STMP1: variants seen among roughly 807,000 people sequenced by gnomAD.
STMP1 encodes the protein mitolamban.
In STMP1, 7 loss-of-function variants were observed where a neutral mutation model predicts 7.0. The observed-to-expected ratio is 1.01, with a 90% confidence interval of 0.57 to 1.89. STMP1 has a LOEUF of 1.89. STMP1 is among the 40% of genes most tolerant of loss of function. The pLI is 0.00. For synonymous variants in STMP1, 19 were observed against 18.4 expected, an observed-to-expected ratio of 1.03 and a Z score of -0.08; for missense variants, 45 against 53.0, an observed-to-expected ratio of 0.85 and a Z score of 0.47.
intron 1 of STMP1, 63 bp downstream of exon 1, chr7:135,662,657 C>T: frequency 6.6e-7 from 1 of 1,521,116 alleles, no homozygotes; most frequent in Non-Finnish European, 8.8e-7. Context: ...CCCATTTCCC[C>T]CTTGAGGATT....
intron 1 of STMP1, among the ~76,000 whole-genome samples, 169 bp downstream of exon 1, chr7:135,662,763 C>T (rs1455932799): frequency 6.6e-6 from 1 of 152,256 alleles, no homozygotes; most frequent in Non-Finnish European, 1.5e-5. Flanking sequence ...TTCTTCCTGC[C>T]TCCCCAGAAA....
At chr7:135,662,940 C>G (rs900131620) in intron 1 of STMP1, among the ~76,000 whole-genome samples, 2 of 152,230 alleles carry the variant, frequency 1.3e-5, no homozygotes, top group Admixed American at 6.5e-5. Context: ...AGTCCGCCCC[C>G]CTTTCTTTCT....
In STMP1 at chr7:135,662,540, T is replaced by A; in HGVS notation, c.-40T>A. On this transcript the variant is annotated 5_prime_UTR_variant, in exon 1 of 3. Transcript: ENST00000507606. ...GGCTCGGACCGGCCCGCGGAGCTGC[T>A]GCAGTCCTTCGCGCCCTCCTCGCCC... The A allele has an allele frequency of 6.5e-7, 1 of 1,543,902 alleles. No individual in the cohort carries two copies. Among genetic ancestry groups the A allele is most frequent in the Non-Finnish European group, 8.7e-7 (1 of 1,144,110 alleles).
At chr7:135,663,775 C>T (rs1795262264) in intron 1 of STMP1, among the ~76,000 whole-genome samples, 1 of 152,220 alleles carries the variant, frequency 6.6e-6, no homozygotes, top group South Asian at 2.1e-4. Context: ...CTGCCTCAGC[C>T]TCCCGAGTAG....
At chr7:135,673,764 G>T (rs1421809608) in intron 2 of STMP1, among the ~76,000 whole-genome samples, 2 of 152,130 alleles carry the variant, frequency 1.3e-5, no homozygotes, top group Non-Finnish European at 2.9e-5. Flanking sequence ...TGTGACGAAA[G>T]CCCATCTTTA....
At chr7:135,668,559 C>T (rs1795320343) in intron 1 of STMP1, among the ~76,000 whole-genome samples, 3 of 152,172 alleles carry the variant, frequency 2.0e-5, no homozygotes, top group African/African-American at 7.2e-5. Flanking sequence ...TATGCCACCA[C>T]ATCCGGCTAG....
At chr7:135,671,520 T>G (rs1434447025) in intron 1 of STMP1, among the ~76,000 whole-genome samples, 1 of 152,230 alleles carries the variant, frequency 6.6e-6, no homozygotes. Flanking sequence ...TGGAGCCTCT[T>G]AGTTACCAGA....
intron 2 of STMP1, 121 bp from the exon 3 acceptor site, chr7:135,673,970 T>A: frequency 1.5e-6 from 1 of 677,308 alleles, no homozygotes; most frequent in Non-Finnish European, 2.5e-6. Flanking sequence ...AACCACTATT[T>A]AGCAGATCTC....
At chr7:135,671,350 G>T (rs1795356119) in intron 1 of STMP1, among the ~76,000 whole-genome samples, 1 of 152,126 alleles carries the variant, frequency 6.6e-6, no homozygotes, top group Non-Finnish European at 1.5e-5. Context: ...TGAAGAGAAG[G>T]TTCAGTCATG....
chr7:135,662,866 C>T (rs529899296), intron 1 of STMP1, among the ~76,000 whole-genome samples: 19 of 152,320 alleles, frequency 1.2e-4, no homozygotes, highest in African/African-American at 4.6e-4. Flanking sequence ...TATTGTGTGC[C>T]GCGCCCCGCG....
At chr7:135,669,317 T>C (rs2129493289) in intron 1 of STMP1, among the ~76,000 whole-genome samples, 1 of 152,356 alleles carries the variant, frequency 6.6e-6, no homozygotes, top group East Asian at 1.9e-4. Flanking sequence ...CAAGTATGAT[T>C]TCTTAAAAGA....
rs1017644874 is a variant in STMP1, at chr7:135,675,182, G to A, written c.*1017G>A. 7 of 151,938 alleles carry A rather than the reference G, an allele frequency of 4.6e-5. No individual in the cohort carries two copies. Among genetic ancestry groups the A allele is most frequent in the African/African-American group, 1.7e-4 (7 of 41,368 alleles). 9.4% of individuals were successfully genotyped at this position (151,938 alleles called of 1,614,324 possible). On this transcript the variant is annotated 3_prime_UTR_variant, in exon 3 of 3. Coordinates refer to ENST00000507606, the MANE Select transcript of STMP1 (RefSeq NM_001130929.2). ...ATTTGAATAATTAACTTTTGCCATG[G>A]GACAAGATACAAAAGTAATTTCATA...
intron 1 of STMP1, among the ~76,000 whole-genome samples, chr7:135,669,294 G>C (rs1016173353): frequency 6.6e-6 from 1 of 152,088 alleles, no homozygotes; most frequent in East Asian, 1.9e-4. Flanking sequence ...ATCAACCTGA[G>C]GTATATATTT....
intron 1 of STMP1, among the ~76,000 whole-genome samples, chr7:135,663,589 C>G (rs1179382122): frequency 6.6e-6 from 1 of 152,160 alleles, no homozygotes; most frequent in Non-Finnish European, 1.5e-5. Context: ...AGTGATCAAC[C>G]CACCTCAGCC....
chr7:135,667,596 G>GAT (rs1212368105), intron 1 of STMP1, among the ~76,000 whole-genome samples: 3 of 152,106 alleles, frequency 2.0e-5, no homozygotes, highest in African/African-American at 7.2e-5. Context: ...TCCCTTATCA[G>GAT]ATATATATTT....
chr7:135,670,189 T>C (rs1265556219), intron 1 of STMP1, among the ~76,000 whole-genome samples: 2 of 152,202 alleles, frequency 1.3e-5, no homozygotes, highest in Non-Finnish European at 2.9e-5. Context: ...CTCAAAATTA[T>C]TACAGAGAGG....
Position 135,672,807 on chromosome 7 carries a change from G to A in STMP1, c.69+1G>A. On this transcript the variant is annotated splice_donor_variant, in intron 2 of 2. Transcript: ENST00000507606. LOFTEE classifies it high-confidence loss of function. ...AATGTATCTGGCTCAGAACTATGAT[G>A]TAAGTGGCCATATCCATGACTTCCT... 1.3e-6 allele frequency: 2 copies of A among 1,550,976 alleles called. No individual in the cohort carries two copies. Among genetic ancestry groups the A allele is most frequent in the Non-Finnish European group, 1.7e-6 (2 of 1,146,374 alleles).
chr7:135,673,614 A>G (rs372713544), intron 2 of STMP1, among the ~76,000 whole-genome samples: 17 of 152,276 alleles, frequency 1.1e-4, no homozygotes, highest in African/African-American at 4.1e-4. Flanking sequence ...ACAACTTCTG[A>G]TATCTTTCAC....
At chr7:135,666,375 G>A (rs763162700) in intron 1 of STMP1, among the ~76,000 whole-genome samples, 3 of 149,746 alleles carry the variant, frequency 2.0e-5, no homozygotes, top group Admixed American at 2.0e-4. Context: ...TTGAGACAGC[G>A]TCTCACTCTG....
Sources: allele counts gnomAD v4.1 joint callset (sites outside exome capture counted in the v4.1 genomes callset), GRCh38; gene constraint gnomAD v4.1.1; transcripts MANE v1.5; gene names NCBI Gene and HGNC (gene_info 2026-07-23, HGNC 2026-07-21).